FHAD1: variants seen among roughly 807,000 people sequenced by gnomAD.
FHAD1 encodes forkhead associated phosphopeptide binding domain 1, also known as forkhead-associated domain-containing protein 1.
A neutral mutation model predicts 191.3 loss-of-function variants in FHAD1; 146 were observed. The observed-to-expected ratio is 0.76, with a 90% CI of 0.67 to 0.88. The LOEUF is 0.88. Ranked by LOEUF, FHAD1 falls within the 40% of genes least tolerant of loss-of-function variation. The pLI, the probability that FHAD1 is intolerant of heterozygous loss-of-function variation, is 0.00. For synonymous variants in FHAD1, 616 were observed against 672.3 expected (o/e 0.92, Z 1.29); for missense variants, 1,635 against 1,785.8 (o/e 0.92, Z 1.52).
chr1:15,238,250 GA>G (rs35058576), intron 1 of FHAD1, among the ~76,000 whole-genome samples: 66 of 96,914 alleles, frequency 6.8e-4, no homozygotes, highest in Admixed American at 1.1e-3. Flanking sequence ...CCATCTCAAG[GA>G]AAAAAAAAAA....
chr1:15,322,791 C>T (rs1486392757), intron 10 of FHAD1, among the ~76,000 whole-genome samples: 2 of 152,162 alleles, frequency 1.3e-5, no homozygotes, highest in African/African-American at 2.4e-5. Flanking sequence ...GGCAAGGAGG[C>T]GTCACGGCCA....
In FHAD1 at chr1:15,312,450, TG is replaced by T. The variant is rs1205057262; in HGVS notation, c.1040-604del. Among the ~76,000 whole-genome samples, 2 of 152,172 alleles carry T rather than the reference TG, an allele frequency of 1.3e-5. No homozygotes were observed. The highest frequency in any genetic ancestry group is 4.8e-5 in the African/African-American group (2 of 41,446). The stretch of plus-strand genomic sequence containing the variant: ...CAGAGGCTGGTGGATTGCTTCAGCC[TG>T]GGAGTTTGAGACCCGCCTGGGCAAC... On this transcript the variant is annotated intron_variant, in intron 7 of 33. Coordinates refer to ENST00000688493, the MANE Select transcript of FHAD1 (RefSeq NM_001391957.1). The surrounding 1 kb of genome is among the most constrained non-coding windows in gnomAD (Gnocchi z 4.7).
At chr1:15,238,396 T>C (rs915772103) in intron 1 of FHAD1, among the ~76,000 whole-genome samples, 1 of 152,088 alleles carries the variant, frequency 6.6e-6, no homozygotes, top group Non-Finnish European at 1.5e-5. Flanking sequence ...CTGCTGTTGA[T>C]TGGAAGCAGC....
chr1:15,367,662 T>C, intron 25 of FHAD1, 40 bp downstream of exon 25: 1 of 1,508,370 alleles, frequency 6.6e-7, no homozygotes, highest in Non-Finnish European at 8.9e-7. Context: ...ATGGTTTGCC[T>C]GCCGTGGGGA....
At chr1:15,245,107 G>A (rs1645850841), upstream of FHAD1, among the ~76,000 whole-genome samples, 1 of 152,182 alleles carries the variant, frequency 6.6e-6, no homozygotes, top group African/African-American at 2.4e-5. Context: ...GAGAACTCAT[G>A]CACCCTACAG....
At position 15,381,449 on chromosome 1, in the gene FHAD1, C is replaced by T; in HGVS notation, c.4020C>T (p.Leu1340=). ...LRGYEKDVEQ[L]RRSKVSIEMY... ...GATATGAAAAGGACGTTGAACAGCT[C>T]AGGTACCTCGGCACCCCCATGTCCC... The change falls in exon 30 of 34, where the codon CTC becomes CTT. Residue 1340 remains leucine, a splice_region_variant and synonymous_variant. Coordinates refer to ENST00000688493, the MANE Select transcript of FHAD1 (RefSeq NM_001391957.1). The surrounding 1 kb of genome is among the most constrained non-coding windows in gnomAD (Gnocchi z 4.6). 3.2e-6 allele frequency: 5 copies of T among 1,550,560 alleles called. No individual in the cohort carries two copies. The South Asian group carries it at 4.8e-5, about 15-fold the overall frequency.
chr1:15,373,586 C>T (rs1698738887), intron 26 of FHAD1, among the ~76,000 whole-genome samples: 1 of 151,920 alleles, frequency 6.6e-6, no homozygotes, highest in African/African-American at 2.4e-5. Flanking sequence ...GTTACAGTAG[C>T]TCATGCCTGT....
chr1:15,304,737 C>T (rs558782741), intron 6 of FHAD1, among the ~76,000 whole-genome samples: 1 of 152,306 alleles, frequency 6.6e-6, no homozygotes, highest in South Asian at 2.1e-4. Flanking sequence ...GCCCATGTCC[C>T]TCCATCTTCT....
intron 3 of FHAD1, among the ~76,000 whole-genome samples, chr1:15,285,703 T>C (rs1662193043): frequency 6.6e-6 from 1 of 152,222 alleles, no homozygotes; most frequent in Non-Finnish European, 1.5e-5. Context: ...CTCACAGTAC[T>C]GAGCAGTTAG....
chr1:15,395,738 A>G (rs1705730328), intron 33 of FHAD1, among the ~76,000 whole-genome samples: 3 of 152,242 alleles, frequency 2.0e-5, no homozygotes, highest in Admixed American at 2.0e-4. Flanking sequence ...GCAGCCCAGG[A>G]CAGCTTTAAA....
intron 21 of FHAD1, 67 bp downstream of exon 21, chr1:15,358,350 T>A: frequency 6.8e-7 from 1 of 1,462,672 alleles, no homozygotes; most frequent in Non-Finnish European, 9.2e-7. Context: ...GCCACGAGAA[T>A]GTGTGGTTTA....
chr1:15,347,100 C>T (rs1689167560), intron 18 of FHAD1, among the ~76,000 whole-genome samples: 1 of 152,216 alleles, frequency 6.6e-6, no homozygotes, highest in South Asian at 2.1e-4. Flanking sequence ...GTTTACATGT[C>T]GGTTCTCCCT....
intron 22 of FHAD1, 130 bp downstream of exon 22, chr1:15,360,833 C>T (rs1430892871): frequency 6.6e-6 from 5 of 754,934 alleles, no homozygotes; most frequent in Non-Finnish European, 8.6e-6. Flanking sequence ...TCTCTGAGGC[C>T]CCCTTTTGTT....
At chr1:15,357,646 AAGG>A (rs1693300956) in intron 20 of FHAD1, 1 of 150,534 alleles carries the variant, frequency 6.6e-6, no homozygotes, top group East Asian at 1.9e-4. Context: ...AAAAAAAAAA[AAGG>A]AGAATGGGTT....
At chr1:15,277,293 G>A (rs1658745640) in intron 3 of FHAD1, among the ~76,000 whole-genome samples, 1 of 152,170 alleles carries the variant, frequency 6.6e-6, no homozygotes, top group Non-Finnish European at 1.5e-5. Flanking sequence ...TAAAGGGGAA[G>A]CTCTTTGGGA....
chr1:15,288,837 C>G (rs561247362), intron 3 of FHAD1, among the ~76,000 whole-genome samples: 3 of 152,304 alleles, frequency 2.0e-5, no homozygotes, highest in African/African-American at 7.2e-5. Context: ...TGAGTTAATG[C>G]AGGTGACTCT....
intron 2 of FHAD1, among the ~76,000 whole-genome samples, chr1:15,255,884 T>C (rs1017542015): frequency 2.0e-5 from 3 of 152,104 alleles, no homozygotes; most frequent in African/African-American, 7.2e-5. Flanking sequence ...ACCGTAAGGA[T>C]TTTGATCTTG....
At chr1:15,300,797 C>T (rs545498328) in intron 5 of FHAD1, among the ~76,000 whole-genome samples, 18 of 152,288 alleles carry the variant, frequency 1.2e-4, no homozygotes, top group African/African-American at 3.4e-4. Flanking sequence ...TCCCTGCCTG[C>T]CTGCCCTTAC....
intron 15 of FHAD1, among the ~76,000 whole-genome samples, chr1:15,339,813 G>C (rs973135420): frequency 6.6e-6 from 1 of 151,998 alleles, no homozygotes; most frequent in Non-Finnish European, 1.5e-5. Context: ...TCTGTCAAAG[G>C]CCCAGAAGAC....
Sources: allele counts gnomAD v4.1 joint callset (sites outside exome capture counted in the v4.1 genomes callset), GRCh38; gene constraint gnomAD v4.1.1; non-coding constraint Gnocchi (gnomAD v3.1); transcripts MANE v1.5; gene names NCBI Gene and HGNC (gene_info 2026-07-23, HGNC 2026-07-21).